CCSER1: variants seen among roughly 807,000 people sequenced by gnomAD.
CCSER1 encodes serine-rich coiled-coil domain-containing protein 1.
CCSER1 carries 41 observed loss-of-function variants against 82.0 expected under a neutral mutation model. The observed-to-expected ratio is 0.50, with a 90% CI of 0.39 to 0.65. The LOEUF is 0.65. CCSER1 is among the 30% of genes least tolerant of loss of function. The probability of loss-of-function intolerance (pLI) is 0.00; values close to 1 mark genes in which losing one functional copy is unlikely to be tolerated. For missense variants in CCSER1, 1,119 were observed against 1,064.2 expected, an observed-to-expected ratio of 1.05 and a Z score of -0.72; for synonymous variants, 414 against 383.9, an observed-to-expected ratio of 1.08 and a Z score of -0.92.
rs1466765152 is a variant in CCSER1 at position 90,468,302 on chromosome 4, A to G, written c.1672A>G (p.Met558Val). Residue 558 changes from methionine (M) to valine (V), a missense_variant, in exon 5 of 11, where the codon ATG becomes GTG. Physicochemically the swap from Met to Val is conservative, Grantham distance 21 (BLOSUM62 1). Coordinates refer to ENST00000509176, the MANE Select transcript of CCSER1 (RefSeq NM_001145065.2). ...AAVVLTPMEP[M>V]IEMKKREEPE... ...AGTAGTTCTTACTCCTATGGAACCA[A>G]TGATAGAAATGAAGAAAAGAGAAGA... 5.6e-6 allele frequency: 9 copies of G among 1,609,108 alleles called. No homozygotes were observed. Among genetic ancestry groups the G allele is most frequent in the South Asian group, 1.1e-5 (1 of 90,248 alleles).
intron 10 of CCSER1, among the ~76,000 whole-genome samples, chr4:91,352,595 C>T (rs776430567): frequency 2.6e-5 from 4 of 152,134 alleles, no homozygotes; most frequent in Non-Finnish European, 5.9e-5. Flanking sequence ...AGGGGTCATA[C>T]AATTTTTCAT....
intron 9 of CCSER1, among the ~76,000 whole-genome samples, chr4:90,933,341 C>G (rs1730496342): frequency 6.6e-6 from 1 of 151,658 alleles, no homozygotes; most frequent in South Asian, 2.1e-4. Context: ...GCGCCCGCCA[C>G]CACGCCCGGC....
intron 9 of CCSER1, among the ~76,000 whole-genome samples, chr4:91,007,722 T>A (rs1202789579): frequency 6.6e-6 from 1 of 151,902 alleles, no homozygotes; most frequent in East Asian, 1.9e-4. Context: ...ATTGTTTTTG[T>A]CATCTTTATT....
At chr4:91,195,914 GC>G (rs1479009304) in intron 10 of CCSER1, among the ~76,000 whole-genome samples, 1 of 151,698 alleles carries the variant, frequency 6.6e-6, no homozygotes, top group Non-Finnish European at 1.5e-5. Flanking sequence ...TTAAGACAAA[GC>G]CCCCGTGTTA....
Position 91,574,004 on chromosome 4 carries a change from A to C in CCSER1, c.2218-24568A>C, listed in dbSNP as rs964978939. Among the ~76,000 whole-genome samples, 6 of 152,120 alleles carry C rather than the reference A, an allele frequency of 3.9e-5. No homozygotes were observed. In the South Asian group the frequency reaches 1.2e-3, roughly 31 times the overall value. On this transcript the variant is annotated intron_variant, in intron 10 of 10. Coordinates refer to ENST00000509176, the MANE Select transcript of CCSER1 (RefSeq NM_001145065.2). ...AAACCATAAAACATTGATGAGAGAAATCGAGGACATAAATAAATGGAACAA... is the reference window on the plus strand; with the variant it reads ...AAACCATAAAACATTGATGAGAGAACTCGAGGACATAAATAAATGGAACAA...
chr4:90,594,282 G>T (rs1384660607), intron 5 of CCSER1, among the ~76,000 whole-genome samples: 1 of 152,074 alleles, frequency 6.6e-6, no homozygotes, highest in Non-Finnish European at 1.5e-5. Flanking sequence ...GTTCTCTCAG[G>T]TTCTCAAGTA....
intron 6 of CCSER1, among the ~76,000 whole-genome samples, chr4:90,646,265 G>T (rs532124174): frequency 6.6e-6 from 1 of 152,082 alleles, no homozygotes; most frequent in Admixed American, 6.6e-5. Context: ...TTGGATTTGA[G>T]AATATTATAA....
chr4:90,609,126 G>A (rs56073571), intron 5 of CCSER1, among the ~76,000 whole-genome samples: 4,747 of 152,060 alleles, frequency 0.031, 237 homozygotes, highest in African/African-American at 0.1. Context: ...TAATAGAAGT[G>A]TGATTAATTT....
intron 1 of CCSER1, among the ~76,000 whole-genome samples, chr4:90,156,357 G>A (rs1007645620): frequency 6.6e-6 from 1 of 152,162 alleles, no homozygotes; most frequent in Non-Finnish European, 1.5e-5. Flanking sequence ...CTGTTGATTT[G>A]GGGTGGAGAG....
At chr4:90,705,000 G>T (rs537835397) in intron 6 of CCSER1, among the ~76,000 whole-genome samples, 1 of 152,160 alleles carries the variant, frequency 6.6e-6, no homozygotes, top group African/African-American at 2.4e-5. Context: ...ATCCAGCTTT[G>T]TTCCACTGCT....
At chr4:90,146,782 G>GA (rs1389525034) in intron 1 of CCSER1, among the ~76,000 whole-genome samples, 3 of 152,006 alleles carry the variant, frequency 2.0e-5, no homozygotes, top group East Asian at 3.8e-4. Flanking sequence ...TCCTTAACTT[G>GA]AAGATGTGGC....
intron 8 of CCSER1, among the ~76,000 whole-genome samples, chr4:90,852,156 A>G (rs2149936561): frequency 6.6e-6 from 1 of 152,356 alleles, no homozygotes; most frequent in East Asian, 1.9e-4. Flanking sequence ...AACTTTACTC[A>G]AACTTTACTC....
chr4:90,513,284 T>C (rs1394068648), intron 5 of CCSER1, among the ~76,000 whole-genome samples: 1 of 152,168 alleles, frequency 6.6e-6, no homozygotes, highest in Non-Finnish European at 1.5e-5. Flanking sequence ...TATGGTGATG[T>C]ACCATGGAAT....
intron 10 of CCSER1, among the ~76,000 whole-genome samples, chr4:91,346,812 C>A (rs1748093893): frequency 6.6e-6 from 1 of 151,988 alleles, no homozygotes; most frequent in Non-Finnish European, 1.5e-5. Flanking sequence ...TAACTTTTGC[C>A]CATTTTAAAT....
At chr4:90,604,170 A>C (rs546577528) in intron 5 of CCSER1, among the ~76,000 whole-genome samples, 1 of 152,320 alleles carries the variant, frequency 6.6e-6, no homozygotes, top group African/African-American at 2.4e-5. Context: ...TCATGCATTT[A>C]ACAAATGGTA....
chr4:90,374,410 G>A (rs1227436081), intron 3 of CCSER1, among the ~76,000 whole-genome samples: 1 of 152,152 alleles, frequency 6.6e-6, no homozygotes, highest in Non-Finnish European at 1.5e-5. Flanking sequence ...CCTTTTTTGG[G>A]AGGGGGGATT....
chr4:91,115,841 T>TTTTATATATATATA (rs747363416), intron 10 of CCSER1, among the ~76,000 whole-genome samples: 1 of 115,212 alleles, frequency 8.7e-6, no homozygotes, highest in African/African-American at 3.8e-5. Flanking sequence ...TTCCATTCTT[T>TTTTATATATATATA]TATATATATA....
At chr4:91,371,839 ATGAGC>A (rs56182430) in intron 10 of CCSER1, among the ~76,000 whole-genome samples, 129,347 of 151,984 alleles carry the variant, frequency 0.85, 55,393 homozygotes, top group African/African-American at 0.96. Context: ...GACCTAGGTG[ATGAGC>A]TTTCTACCCT....
chr4:90,411,861 AT>A (rs1338212310), intron 4 of CCSER1, among the ~76,000 whole-genome samples: 7 of 152,184 alleles, frequency 4.6e-5, no homozygotes, highest in African/African-American at 1.7e-4. Flanking sequence ...ATGATTGTAC[AT>A]CTAGAAAACC....
Sources: allele counts gnomAD v4.1 joint callset (sites outside exome capture counted in the v4.1 genomes callset), GRCh38; gene constraint gnomAD v4.1.1; transcripts MANE v1.5; gene names NCBI Gene and HGNC (gene_info 2026-07-23, HGNC 2026-07-21).